Variants in CAPZB observed in about 807,000 individuals in gnomAD.
CAPZB encodes the protein F-actin-capping protein subunit beta.
CAPZB carries 2 observed loss-of-function variants against 38.1 expected under a neutral mutation model. The observed-to-expected ratio is 0.05, with a 90% CI of 0.02 to 0.17. The LOEUF is 0.17. CAPZB is among the 10% of genes least tolerant of loss of function. CAPZB has a pLI of 1.00. For missense variants in CAPZB, 161 were observed against 334.2 expected (o/e 0.48, Z 4.04); for synonymous variants, 107 against 127.4 (o/e 0.84, Z 1.08).
intron 1 of CAPZB, among the ~76,000 whole-genome samples, chr1:19,422,856 T>C (rs534114078): frequency 7.9e-4 from 119 of 150,732 alleles, no homozygotes; most frequent in Non-Finnish European, 1.5e-3. Context: ...AATTAAGATA[T>C]AAGTAAGCCT....
intron 8 of CAPZB, among the ~76,000 whole-genome samples, chr1:19,340,234 T>C (rs943856575): frequency 8.5e-5 from 13 of 152,212 alleles, no homozygotes; most frequent in African/African-American, 3.1e-4. Context: ...ACTGTGTTTA[T>C]GGCCCACGCA....
intron 4 of CAPZB, among the ~76,000 whole-genome samples, chr1:19,360,630 G>A (rs2094047868): frequency 1.3e-5 from 2 of 152,200 alleles, no homozygotes; most frequent in South Asian, 2.1e-4. Flanking sequence ...GGTGGCCCAC[G>A]GCTGCTTCCC....
Position 19,469,148 on chromosome 1 carries a change from G to A in CAPZB, c.3+16288C>T, listed in dbSNP as rs367720202. 1.8e-4 allele frequency among the ~76,000 whole-genome samples: 28 copies of A among 152,300 alleles called. 1 individual carries two copies. In the East Asian group the frequency reaches 2.3e-3, roughly 13 times the overall value. ...CAGCAGTAGTCAAAGGAAGCTTGGC[G>A]GTGAAGACGGGATAGGGCCAAGCCC... On this transcript the variant is annotated intron_variant, in intron 1 of 8. Transcript: ENST00000264202.
intron 1 of CAPZB, among the ~76,000 whole-genome samples, chr1:19,446,362 A>T (rs973273202): frequency 2.4e-4 from 37 of 152,248 alleles, no homozygotes; most frequent in Non-Finnish European, 1.6e-4. Context: ...GCAAAAGTTA[A>T]AGTGAGTAAT....
chr1:19,481,726 C>T (rs981420438), intron 1 of CAPZB, among the ~76,000 whole-genome samples: 1 of 152,228 alleles, frequency 6.6e-6, no homozygotes, highest in African/African-American at 2.4e-5. Context: ...CAATGGCAGA[C>T]ACAAGAGAAG....
chr1:19,429,557 G>T (rs2094435443), intron 1 of CAPZB, among the ~76,000 whole-genome samples: 1 of 152,138 alleles, frequency 6.6e-6, no homozygotes, highest in African/African-American at 2.4e-5. Context: ...TACCTCACGG[G>T]CCACTGGGAA....
At chr1:19,432,042 C>CAAAAAAAAAAAAAAAAAA (rs10583269) in intron 1 of CAPZB, among the ~76,000 whole-genome samples, 8 of 122,544 alleles carry the variant, frequency 6.5e-5, no homozygotes, top group African/African-American at 9.6e-5. Flanking sequence ...GATCCTGTCT[C>CAAAAAAAAAAAAAAAAAA]AAAAAAAAAA....
At chr1:19,388,936 A>G (rs1469211179) in intron 2 of CAPZB, among the ~76,000 whole-genome samples, 1 of 152,210 alleles carries the variant, frequency 6.6e-6, no homozygotes, top group Non-Finnish European at 1.5e-5. Context: ...TACAGTGAAA[A>G]GCCTCTGGGA....
intron 4 of CAPZB, among the ~76,000 whole-genome samples, chr1:19,368,472 C>T (rs1366761036): frequency 6.8e-6 from 1 of 147,522 alleles, no homozygotes; most frequent in Non-Finnish European, 1.5e-5. Context: ...GAGTGAGAGC[C>T]CCCGTCTCCA....
intron 1 of CAPZB, among the ~76,000 whole-genome samples, chr1:19,457,758 A>G (rs919013098): frequency 2.0e-5 from 3 of 152,216 alleles, no homozygotes; most frequent in Non-Finnish European, 2.9e-5. Flanking sequence ...AAGAGCTGTA[A>G]AAGTGTTCAT....
chr1:19,415,885 A>G (rs1381839514), intron 2 of CAPZB, among the ~76,000 whole-genome samples: 2 of 152,248 alleles, frequency 1.3e-5, no homozygotes, highest in African/African-American at 2.4e-5. Context: ...ACCAGATCCT[A>G]ATTTGTTGAA....
chr1:19,476,471 C>T (rs2094607273), intron 1 of CAPZB, among the ~76,000 whole-genome samples: 2 of 152,212 alleles, frequency 1.3e-5, no homozygotes, highest in African/African-American at 2.4e-5. Context: ...CTGCATCTTA[C>T]ACTGTATATG....
chr1:19,394,978 A>C (rs1027697012), intron 2 of CAPZB, among the ~76,000 whole-genome samples: 1 of 152,182 alleles, frequency 6.6e-6, no homozygotes, highest in African/African-American at 2.4e-5. Context: ...CCCTGTGATC[A>C]AAAAGGTGAG....
intron 1 of CAPZB, among the ~76,000 whole-genome samples, chr1:19,443,333 C>A (rs976327990): frequency 2.6e-5 from 4 of 152,122 alleles, no homozygotes; most frequent in Non-Finnish European, 5.9e-5. Context: ...GAGGTCAAAG[C>A]TTCAGTGAGC....
At chr1:19,367,525 C>T (rs1023163576) in intron 4 of CAPZB, among the ~76,000 whole-genome samples, 7 of 152,198 alleles carry the variant, frequency 4.6e-5, no homozygotes, top group African/African-American at 7.2e-5. Flanking sequence ...TGGCTTTGGG[C>T]GGGCCATGTC....
Position 19,359,210 on chromosome 1 carries a change from C to CTTTT in CAPZB, c.330-1651_330-1648dup, listed in dbSNP as rs57251931. Among the ~76,000 whole-genome samples, 391 of 114,344 alleles carry CTTTT rather than the reference C, an allele frequency of 3.4e-3. 2 individuals carry two copies. The highest frequency in any genetic ancestry group is 9.3e-3 in the East Asian group (37 of 3,970). 75.0% of individuals were successfully genotyped at this position (114,344 alleles called of 152,430 possible). The stretch of plus-strand genomic sequence containing the variant: ...TGGGTATACAAGAATTCTCTGTACT[C>CTTTT]TTTTTTTTTTTTTTTTTTTTTTGCA... On this transcript the variant is annotated intron_variant, in intron 4 of 8. Transcript: ENST00000264202.
At chr1:19,441,657 C>A (rs2094476900) in intron 1 of CAPZB, among the ~76,000 whole-genome samples, 1 of 151,186 alleles carries the variant, frequency 6.6e-6, no homozygotes, top group African/African-American at 2.4e-5. Context: ...GGTGGGGTCC[C>A]CAGTGTAGAA....
At position 19,356,617 on chromosome 1, in the gene CAPZB, A is replaced by G; in HGVS notation, c.588+18T>C. On this transcript the variant is annotated intron_variant, in intron 6 of 8. Transcript: ENST00000264202. The surrounding 1 kb of genome is among the most constrained non-coding windows in gnomAD (Gnocchi z 4.3). ...CACCTGTGGGCACTGGCAAGTGGCT[A>G]TGAGCGGGTAACTCTACCTGTCTGG... 2 of 1,559,688 alleles carry G rather than the reference A, an allele frequency of 1.3e-6. No homozygotes were observed. The highest frequency in any genetic ancestry group is 1.8e-6 in the Non-Finnish European group (2 of 1,130,212).
intron 1 of CAPZB, among the ~76,000 whole-genome samples, chr1:19,449,606 G>A (rs188518963): frequency 2.0e-5 from 3 of 152,034 alleles, no homozygotes; most frequent in East Asian, 1.9e-4. Context: ...TGGCTGACAC[G>A]GCAAAACTCT....
Sources: gnomAD v4.1 joint callset for allele counts (sites outside exome capture counted in the v4.1 genomes callset) on GRCh38, gnomAD v4.1.1 for gene constraint, Gnocchi (gnomAD v3.1) non-coding constraint, MANE v1.5 for transcripts, NCBI Gene and HGNC (gene_info 2026-07-23, HGNC 2026-07-21) for gene names.